The following CBL variants were observed in gnomAD, a reference collection of about 807,000 sequenced individuals.
CBL encodes Cbl proto-oncogene, also known as E3 ubiquitin-protein ligase CBL.
A neutral mutation model predicts 96.9 loss-of-function variants in CBL; 45 were observed. That is an observed-to-expected ratio of 0.46 (90% CI 0.37 to 0.60). The LOEUF is 0.60. Ranked by LOEUF, CBL falls within the 20% of genes least tolerant of loss-of-function variation. The pLI, the probability that CBL is intolerant of heterozygous loss-of-function variation, is 0.00. For synonymous variants in CBL, 420 were observed against 426.8 expected, an observed-to-expected ratio of 0.98 and a Z score of 0.20; for missense variants, 1,024 against 1,143.5, an observed-to-expected ratio of 0.90 and a Z score of 1.51.
Position 119,212,317 on chromosome 11 carries a change from T to G in CBL, c.195+5705T>G, listed in dbSNP as rs1592367598. 2.0e-5 allele frequency among the ~76,000 whole-genome samples: 3 copies of G among 152,316 alleles called. No homozygotes were observed. The East Asian group carries it at 5.8e-4, about 29-fold the overall frequency. ...CATGAGCTTAAAAAAAATTACATTT[T>G]TTTGAATTAAAAAAATATTTTATTG... On this transcript the variant is annotated intron_variant, in intron 1 of 15. Coordinates refer to ENST00000264033, the MANE Select transcript of CBL (RefSeq NM_005188.4).
intron 1 of CBL, among the ~76,000 whole-genome samples, chr11:119,230,191 A>AC (rs1252386837): frequency 6.7e-6 from 1 of 149,010 alleles, no homozygotes; most frequent in Admixed American, 6.7e-5. Flanking sequence ...TTGCTCTGTC[A>AC]CCCAGGCTGG....
In CBL at chr11:119,307,759, A is replaced by G. The variant is rs2511836; in HGVS notation, c.*7978A>G. 0.021 allele frequency: 4,682 copies of G among 219,844 alleles called. 246 individuals carry two copies. Among genetic ancestry groups the G allele is most frequent in the African/African-American group, 0.097 (4,335 of 44,706 alleles). The allele number at this position is 219,844 out of a possible 1,614,324, so 13.6% of individuals were successfully genotyped here. A position where few individuals can be genotyped will look rare whatever the true frequency, so the allele number is the denominator to read the frequency against. On this transcript the variant is annotated 3_prime_UTR_variant, in exon 16 of 16. Transcript: ENST00000264033. ...GCCTGGGAGTGCTGGAGAGAACCTG[A>G]TGCTTTCTCCAGAATGAAGAGTCCC...
intron 2 of CBL, among the ~76,000 whole-genome samples, chr11:119,233,806 C>G (rs2064006219): frequency 6.6e-6 from 1 of 152,144 alleles, no homozygotes; most frequent in Non-Finnish European, 1.5e-5. Context: ...CCATGCATGA[C>G]TCTAGCAGTA....
chr11:119,217,318 G>T (rs1462117141), intron 1 of CBL, among the ~76,000 whole-genome samples: 1 of 152,150 alleles, frequency 6.6e-6, no homozygotes, highest in Non-Finnish European at 1.5e-5. Context: ...TCTCCATGTT[G>T]ATCAGGTTGG....
At chr11:119,271,669 G>A in intron 2 of CBL, 66 bp from the exon 3 acceptor site, 9 of 1,321,426 alleles carry the variant, frequency 6.8e-6, no homozygotes, top group Non-Finnish European at 7.6e-6. Context: ...CTTGTATGGT[G>A]AATTTGGTGC....
In CBL at chr11:119,299,797, C is replaced by A. The variant is rs1169283750; in HGVS notation, c.*16C>A. 1 of 1,613,192 alleles carries A rather than the reference C, an allele frequency of 6.2e-7. No individual in the cohort carries two copies. ...AGCTACCTAGCACACCATCTCCCTGCTGCAGGTTTAGAGGACCAGTGAGTT... is the reference window on the plus strand; with the variant it reads ...AGCTACCTAGCACACCATCTCCCTGATGCAGGTTTAGAGGACCAGTGAGTT... On this transcript the variant is annotated 3_prime_UTR_variant, in exon 16 of 16. Coordinates refer to ENST00000264033, the MANE Select transcript of CBL (RefSeq NM_005188.4).
intron 2 of CBL, among the ~76,000 whole-genome samples, chr11:119,251,553 C>T (rs76000061): frequency 1.3e-4 from 20 of 152,286 alleles, no homozygotes; most frequent in Non-Finnish European, 2.8e-4. Context: ...AGAGAAGTTA[C>T]ACATGTCTTA....
At chr11:119,270,777 C>T (rs895031205) in intron 2 of CBL, among the ~76,000 whole-genome samples, 3 of 152,102 alleles carry the variant, frequency 2.0e-5, no homozygotes, top group East Asian at 1.9e-4. Flanking sequence ...GACAGGGTTT[C>T]GCCACGTTGG....
At chr11:119,228,263 A>G (rs1456830501) in intron 1 of CBL, among the ~76,000 whole-genome samples, 1 of 152,126 alleles carries the variant, frequency 6.6e-6, no homozygotes, top group African/African-American at 2.4e-5. Flanking sequence ...GCCCACCACC[A>G]TGTCTACTTA....
At chr11:119,294,961 C>T (rs553715997) in intron 12 of CBL, among the ~76,000 whole-genome samples, 2 of 152,274 alleles carry the variant, frequency 1.3e-5, no homozygotes, top group East Asian at 3.9e-4. Flanking sequence ...ATATCTTGAA[C>T]ATCTTTGCAT....
chr11:119,238,332 C>G (rs1048519326), intron 2 of CBL, among the ~76,000 whole-genome samples: 1 of 151,938 alleles, frequency 6.6e-6, no homozygotes, highest in East Asian at 1.9e-4. Flanking sequence ...GCCTCAGCCT[C>G]CTGAGTAGCT....
intron 1 of CBL, among the ~76,000 whole-genome samples, chr11:119,227,702 C>T (rs1394585668): frequency 1.3e-5 from 2 of 152,120 alleles, no homozygotes; most frequent in Non-Finnish European, 1.5e-5. Context: ...AGGCATGGGC[C>T]ACCACGCCTG....
intron 2 of CBL, among the ~76,000 whole-genome samples, chr11:119,260,761 C>T (rs1592391498): frequency 1.3e-5 from 2 of 152,106 alleles, no homozygotes; most frequent in East Asian, 3.9e-4. Context: ...TACTTTTCTA[C>T]TGCACTACTA....
At chr11:119,289,850 C>T (rs1950012400) in intron 12 of CBL, among the ~76,000 whole-genome samples, 1 of 152,084 alleles carries the variant, frequency 6.6e-6, no homozygotes, top group Non-Finnish European at 1.5e-5. Context: ...TCAAGAGATC[C>T]TCCCGCCTCA....
At position 119,304,289 on chromosome 11, in the gene CBL, G is replaced by A; in HGVS notation, c.*4508G>A. On this transcript the variant is annotated 3_prime_UTR_variant, in exon 16 of 16. Coordinates refer to ENST00000264033, the MANE Select transcript of CBL (RefSeq NM_005188.4). ...TGTTTTGTTGGAAATACATAGAACG[G>A]CTTAATGCCTAGAGGGTGGTGGATA... 1 of 233,270 alleles carries A rather than the reference G, an allele frequency of 4.3e-6. No individual in the cohort carries two copies. The highest frequency in any genetic ancestry group is 1.8e-4 in the South Asian group (1 of 5,526). 14.5% of individuals were successfully genotyped at this position (233,270 alleles called of 1,614,324 possible). A position where few individuals can be genotyped will look rare whatever the true frequency, so the allele number is the denominator to read the frequency against.
At chr11:119,295,670 TG>T (rs2135318934) in intron 12 of CBL, among the ~76,000 whole-genome samples, 2 of 152,148 alleles carry the variant, frequency 1.3e-5, no homozygotes, top group African/African-American at 4.8e-5. Context: ...AAGGCTGCAG[TG>T]GGTTGTCATC....
At chr11:119,234,654 C>T (rs893705601) in intron 2 of CBL, among the ~76,000 whole-genome samples, 23 of 152,066 alleles carry the variant, frequency 1.5e-4, no homozygotes, top group African/African-American at 5.3e-4. Flanking sequence ...TGTTGGGAGC[C>T]GGGCACAGTG....
At chr11:119,239,486 A>G (rs1467198004) in intron 2 of CBL, among the ~76,000 whole-genome samples, 3 of 152,168 alleles carry the variant, frequency 2.0e-5, no homozygotes, top group African/African-American at 7.2e-5. Flanking sequence ...TGGCTCTAGT[A>G]GCTTTTTAGT....
At chr11:119,218,991 G>T (rs538958042) in intron 1 of CBL, among the ~76,000 whole-genome samples, 2 of 152,150 alleles carry the variant, frequency 1.3e-5, no homozygotes, top group Non-Finnish European at 2.9e-5. Context: ...GCTAAGGTGG[G>T]TGTATCACTT....
Sources: gnomAD v4.1 joint callset for allele counts (sites outside exome capture counted in the v4.1 genomes callset) on GRCh38, gnomAD v4.1.1 for gene constraint, MANE v1.5 for transcripts, NCBI Gene and HGNC (gene_info 2026-07-23, HGNC 2026-07-21) for gene names.